GNA15: variants seen among roughly 807,000 people sequenced by gnomAD.
The protein encoded by GNA15 is G protein subunit alpha 15, also known as guanine nucleotide-binding protein subunit alpha-15.
A neutral mutation model predicts 40.1 loss-of-function variants in GNA15; 23 were observed. The observed-to-expected ratio is 0.57, with a 90% CI of 0.41 to 0.81. The LOEUF (loss-of-function observed/expected upper bound fraction) is 0.81. Ranked by LOEUF, GNA15 falls within the 40% of genes least tolerant of loss-of-function variation. The pLI, the probability that GNA15 is intolerant of heterozygous loss-of-function variation, is 0.00. For synonymous variants in GNA15, 226 were observed against 210.4 expected (o/e 1.07, Z -0.64); for missense variants, 522 against 515.8 (o/e 1.01, Z -0.12).
At position 3,151,615 on chromosome 19, in the gene GNA15, C is replaced by T. The variant is rs577255029; in HGVS notation, c.486-92C>T. The T allele has an allele frequency of 6.5e-5, 92 of 1,424,124 alleles. No individual in the cohort carries two copies. The highest frequency in any genetic ancestry group is 5.1e-4 in the Middle Eastern group (2 of 3,928). The allele number at this position is 1,424,124 out of a possible 1,614,324, so 88.2% of individuals were successfully genotyped here. On this transcript the variant is annotated intron_variant, in intron 3 of 6. Transcript: ENST00000262958. The surrounding 1 kb of genome is among the most constrained non-coding windows in gnomAD (Gnocchi z 5.0). ...ACCTCCACCCAGGGAGCTCTCCTCCCCCAGCAGGGTCCTTGCTGGGCCTTT... is the reference window on the plus strand; with the variant it reads ...ACCTCCACCCAGGGAGCTCTCCTCCTCCAGCAGGGTCCTTGCTGGGCCTTT...
chr19:3,159,347 T>C (rs945157228), intron 6 of GNA15, among the ~76,000 whole-genome samples: 6 of 19,084 alleles, frequency 3.1e-4, no homozygotes, highest in African/African-American at 1.6e-3. Flanking sequence ...ATTTCTTTTC[T>C]TTTTTTTTTT....
At chr19:3,145,359 A>ATATATTTTTTTTTT in intron 1 of GNA15, among the ~76,000 whole-genome samples, 1 of 46,972 alleles carries the variant, frequency 2.1e-5, no homozygotes, top group African/African-American at 9.2e-5. Context: ...ATATATATAT[A>ATATATTTTTTTTTT]TTTTTTTTTT....
Position 3,151,576 on chromosome 19 carries a change from A to T in GNA15, c.486-131A>T. 3 of 1,098,540 alleles carry T rather than the reference A, an allele frequency of 2.7e-6. No homozygotes were observed. The highest frequency in any genetic ancestry group is 3.8e-6 in the Non-Finnish European group (3 of 791,114). 68.0% of individuals were successfully genotyped at this position (1,098,540 alleles called of 1,614,324 possible). ...GGGGACGCTCCTGGGCCATCTGCCA[A>T]CTCCAGGGACCCCACCTCCACCCAG... On this transcript the variant is annotated intron_variant, in intron 3 of 6. Coordinates refer to ENST00000262958, the MANE Select transcript of GNA15 (RefSeq NM_002068.4). This position sits in a 1 kb window ranked among gnomAD's most constrained non-coding sequence, Gnocchi z 5.0.
rs772239006 is a variant in GNA15, at chr19:3,150,225, C to T, written c.425C>T (p.Ala142Val). 6 of 1,610,736 alleles carry T rather than the reference C, an allele frequency of 3.7e-6. No homozygotes were observed. In the Admixed American group the frequency reaches 8.4e-5, roughly 23 times the overall value. The stretch of plus-strand genomic sequence containing the variant: ...GCCATGCAGTGGCTGTGGAGGGATG[C>T]CGGCATCCGGGCCTGCTATGAGCGT... ...AAAMQWLWRD[A>V]GIRACYERRR... Residue 142 changes from alanine (A) to valine (V), a missense_variant, in exon 3 of 7, where the codon GCC (alanine) becomes GTC (valine). Coordinates refer to ENST00000262958, the MANE Select transcript of GNA15 (RefSeq NM_002068.4).
rs1305748783 is a variant in GNA15, at chr19:3,136,919, C to T, written c.145+324C>T. Among the ~76,000 whole-genome samples the T allele has an allele frequency of 2.0e-5, 3 of 152,190 alleles. No individual in the cohort carries two copies. The highest frequency in any genetic ancestry group is 2.1e-4 in the South Asian group (1 of 4,830). On this transcript the variant is annotated intron_variant, in intron 1 of 6. Transcript: ENST00000262958. This position sits in a 1 kb window ranked among gnomAD's most constrained non-coding sequence, Gnocchi z 4.9. Reference sequence around the variant, plus strand: ...CACGCCCTACCTGTCTGTGTCATGGCGAGGGAATGATGAGCTCAGGTGTGC... The same window carrying T: ...CACGCCCTACCTGTCTGTGTCATGGTGAGGGAATGATGAGCTCAGGTGTGC...
At chr19:3,160,536 C>A (rs1224742267) in intron 6 of GNA15, among the ~76,000 whole-genome samples, 2 of 152,246 alleles carry the variant, frequency 1.3e-5, no homozygotes, top group East Asian at 3.9e-4. Context: ...AGCCCGGATT[C>A]AAAAGAAAGA....
At chr19:3,156,464 A>G (rs411822) in intron 5 of GNA15, among the ~76,000 whole-genome samples, 31,391 of 141,560 alleles carry the variant, frequency 0.22, 3,442 homozygotes, top group Non-Finnish European at 0.27. Flanking sequence ...ACACGCACAC[A>G]CAGGCACACA....
intron 2 of GNA15, 134 bp downstream of exon 2, chr19:3,148,909 C>A (rs957389531): frequency 2.4e-6 from 2 of 848,042 alleles, no homozygotes; most frequent in Admixed American, 2.9e-5. Flanking sequence ...GGGAAGGGTC[C>A]CCAGACCCTG....
chr19:3,139,619 G>T (rs1417525874), intron 1 of GNA15, among the ~76,000 whole-genome samples: 5 of 136,192 alleles, frequency 3.7e-5, no homozygotes, highest in African/African-American at 5.4e-5. Flanking sequence ...AAAAAAAAAT[G>T]CCGGGTGCAG....
chr19:3,137,020 C>G (rs926616134), intron 1 of GNA15, among the ~76,000 whole-genome samples: 2 of 152,238 alleles, frequency 1.3e-5, no homozygotes, highest in African/African-American at 4.8e-5. Flanking sequence ...TCCCTCTCGC[C>G]TTTACCTCCC....
chr19:3,148,869 A>C, intron 2 of GNA15, 94 bp downstream of exon 2: 1 of 875,462 alleles, frequency 1.1e-6, no homozygotes. Context: ...CCCAGACTTC[A>C]GGGCAGGGCA....
rs948217705 is a variant in GNA15, at chr19:3,163,405, C to G, written c.*386C>G. The G allele has an allele frequency of 1.3e-5, 4 of 300,920 alleles. No individual in the cohort carries two copies. Among genetic ancestry groups the G allele is most frequent in the African/African-American group, 8.7e-5 (4 of 46,020 alleles). 18.6% of individuals were successfully genotyped at this position (300,920 alleles called of 1,614,324 possible). ...GGGACCCTCTGTGGGTGACGCACAC[C>G]CTGGGATGGGGCTAGTAGAGCCTTC... On this transcript the variant is annotated 3_prime_UTR_variant, in exon 7 of 7. Transcript: ENST00000262958.
intron 1 of GNA15, among the ~76,000 whole-genome samples, chr19:3,144,767 A>C (rs1166348550): frequency 2.6e-5 from 4 of 151,030 alleles, no homozygotes; most frequent in Non-Finnish European, 5.9e-5. Context: ...TGACCTCGTG[A>C]TCCGCCCGCC....
At chr19:3,156,204 T>C (rs532244290) in intron 5 of GNA15, among the ~76,000 whole-genome samples, 18,940 of 53,458 alleles carry the variant, frequency 0.35, 2,203 homozygotes, top group African/African-American at 0.54. Flanking sequence ...ACACACACAC[T>C]ACAGTGCACA....
chr19:3,160,502 T>C (rs773859051), intron 6 of GNA15, among the ~76,000 whole-genome samples: 12 of 152,194 alleles, frequency 7.9e-5, no homozygotes, highest in African/African-American at 2.2e-4. Context: ...CCACATTCTA[T>C]TTGTCAAGCA....
At chr19:3,160,280 C>A (rs1218937113) in intron 6 of GNA15, among the ~76,000 whole-genome samples, 1 of 152,084 alleles carries the variant, frequency 6.6e-6, no homozygotes, top group Non-Finnish European at 1.5e-5. Flanking sequence ...CCTCCCTCTC[C>A]CATCTCATCT....
chr19:3,141,262 C>T (rs1424877264), intron 1 of GNA15, among the ~76,000 whole-genome samples: 1 of 151,576 alleles, frequency 6.6e-6, no homozygotes, highest in East Asian at 1.9e-4. Context: ...TCAAGACCAG[C>T]CTGGACAACA....
chr19:3,149,954 A>T, intron 2 of GNA15, 177 bp from the exon 3 acceptor site: 1 of 573,174 alleles, frequency 1.7e-6, no homozygotes, highest in Non-Finnish European at 3.1e-6. Context: ...GGATCCATGC[A>T]AGAACAGACG....
In GNA15 at chr19:3,151,608, C is replaced by T; in HGVS notation, c.486-99C>T. The T allele has an allele frequency of 7.2e-7, 1 of 1,383,744 alleles. No homozygotes were observed. The highest frequency in any genetic ancestry group is 9.6e-7 in the Non-Finnish European group (1 of 1,040,606). 85.7% of individuals were successfully genotyped at this position (1,383,744 alleles called of 1,614,324 possible). ...GGACCCCACCTCCACCCAGGGAGCTCTCCTCCCCCAGCAGGGTCCTTGCTG... is the reference window on the plus strand; with the variant it reads ...GGACCCCACCTCCACCCAGGGAGCTTTCCTCCCCCAGCAGGGTCCTTGCTG... On this transcript the variant is annotated intron_variant, in intron 3 of 6. Coordinates refer to ENST00000262958, the MANE Select transcript of GNA15 (RefSeq NM_002068.4). This position sits in a 1 kb window ranked among gnomAD's most constrained non-coding sequence, Gnocchi z 5.0.
Sources: allele counts gnomAD v4.1 joint callset (sites outside exome capture counted in the v4.1 genomes callset), GRCh38; gene constraint gnomAD v4.1.1; non-coding constraint Gnocchi (gnomAD v3.1); transcripts MANE v1.5; gene names NCBI Gene and HGNC (gene_info 2026-07-23, HGNC 2026-07-21).